Variants in ZNF77 observed in about 807,000 individuals in gnomAD.
ZNF77 encodes ZNFpT1.
In ZNF77, 15 loss-of-function variants were observed where a neutral mutation model predicts 13.5. The observed-to-expected ratio is 1.11, with a 90% CI of 0.74 to 1.71. The LOEUF is 1.71. ZNF77 is among the 40% of genes most tolerant of loss of function. The pLI is 0.00. For missense variants in ZNF77, 717 were observed against 676.4 expected, an observed-to-expected ratio of 1.06 and a Z score of -0.67; for synonymous variants, 282 against 250.0, an observed-to-expected ratio of 1.13 and a Z score of -1.21.
intron 1 of ZNF77, among the ~76,000 whole-genome samples, chr19:2,942,675 G>A (rs532795827): frequency 3.3e-5 from 5 of 152,108 alleles, no homozygotes; most frequent in East Asian, 1.9e-4. Context: ...GTGAAACCCC[G>A]TCCTGCTGTG....
chr19:2,943,032 T>C (rs1289140134), intron 1 of ZNF77, among the ~76,000 whole-genome samples: 1 of 152,170 alleles, frequency 6.6e-6, no homozygotes, highest in Non-Finnish European at 1.5e-5. Context: ...TCCACCTGCC[T>C]CAGCCTCCCA....
Position 2,933,314 on chromosome 19 carries a change from T to C in ZNF77, c.*175A>G, listed in dbSNP as rs2088359656. ...GAATCACTATTAAGGCTGAGGCATG[T>C]AAAGGCAATACCATATTAATCATAA... is the stretch of plus-strand genomic sequence containing the variant. On this transcript the variant is annotated 3_prime_UTR_variant, in exon 4 of 4. Transcript: ENST00000314531. The C allele has an allele frequency of 6.2e-6, 4 of 644,978 alleles. No homozygotes were observed. The highest frequency in any genetic ancestry group is 4.9e-6 in the Non-Finnish European group (2 of 408,066). The allele number at this position is 644,978 out of a possible 1,614,324, so 40.0% of individuals were successfully genotyped here. A position where few individuals can be genotyped will look rare whatever the true frequency, so the allele number is the denominator to read the frequency against.
In ZNF77 at chr19:2,939,408, C is replaced by G; in HGVS notation, c.4-1G>C. The G allele has an allele frequency of 6.2e-7, 1 of 1,613,920 alleles. No individual in the cohort carries two copies. The highest frequency in any genetic ancestry group is 8.5e-7 in the Non-Finnish European group (1 of 1,179,844). ...CCACTTCCTCAAAGATCACGCAGTCCTAAAACATTCCACACATCCCACTTC... is the reference window on the plus strand; with the variant it reads ...CCACTTCCTCAAAGATCACGCAGTCGTAAAACATTCCACACATCCCACTTC... On this transcript the variant is annotated splice_acceptor_variant, in intron 1 of 3. Transcript: ENST00000314531. LOFTEE classifies it high-confidence loss of function.
rs556207824 is a variant in ZNF77, at chr19:2,941,685, G to T, written c.4-2278C>A. Reference sequence around the variant, plus strand: ...TGATTATCCTCATGATAAATTGTTCGTCAGTCCCCTAATCGGAATTGCCGC... The same window carrying T: ...TGATTATCCTCATGATAAATTGTTCTTCAGTCCCCTAATCGGAATTGCCGC... On this transcript the variant is annotated intron_variant, in intron 1 of 3. Coordinates refer to ENST00000314531, the MANE Select transcript of ZNF77 (RefSeq NM_021217.3). Among the ~76,000 whole-genome samples, 3 of 152,148 alleles carry T rather than the reference G, an allele frequency of 2.0e-5. No individual in the cohort carries two copies. The East Asian group carries it at 5.8e-4, about 29-fold the overall frequency.
intron 1 of ZNF77, among the ~76,000 whole-genome samples, chr19:2,940,345 G>A (rs1295461545): frequency 6.6e-6 from 1 of 150,996 alleles, no homozygotes; most frequent in Non-Finnish European, 1.5e-5. Context: ...ACAACACAGT[G>A]AAACCCTGTC....
At position 2,934,355 on chromosome 19, in the gene ZNF77, G is replaced by A. The variant is rs529069839; in HGVS notation, c.772C>T (p.His258Tyr). The change falls in exon 4 of 4, where the codon CAC becomes TAC. Residue 258 changes from histidine to tyrosine, a missense_variant. By Grantham distance (83) the His-to-Tyr change is moderately conservative. Coordinates refer to ENST00000314531, the MANE Select transcript of ZNF77 (RefSeq NM_021217.3). The part of the protein sequence containing the change: ...TFMYYSYLTR[H>Y]VRTHTGEKPY... Reference sequence around the variant, plus strand: ...TTCTCTCCTGTGTGAGTTCTTACGTGCCGTGTAAGGTAGGAGTAATACATA... The same window carrying A: ...TTCTCTCCTGTGTGAGTTCTTACGTACCGTGTAAGGTAGGAGTAATACATA... The A allele has an allele frequency of 3.5e-5, 57 of 1,614,162 alleles. 1 individual carries two copies. In the South Asian group the frequency reaches 5.6e-4, roughly 16 times the overall value.
At chr19:2,935,736 G>A (rs542329141) in intron 3 of ZNF77, among the ~76,000 whole-genome samples, 1 of 152,126 alleles carries the variant, frequency 6.6e-6, no homozygotes, top group East Asian at 1.9e-4. Context: ...AAAAGTCTCA[G>A]CCAGGGACGG....
In ZNF77 at chr19:2,934,377, C is replaced by T; in HGVS notation, c.750G>A (p.Met250Ile). ...CGTGCCGTGTAAGGTAGGAGTAATA[C>T]ATAAAGGTCTTCCCACATACTTTAC... ...HACKVCGKTFMYYSYLTRHVR... is the reference protein window; with the variant it reads ...HACKVCGKTFIYYSYLTRHVR... The change falls in exon 4 of 4, where the codon ATG (methionine) becomes ATA (isoleucine). Residue 250 changes from methionine to isoleucine, a missense_variant. Coordinates refer to ENST00000314531, the MANE Select transcript of ZNF77 (RefSeq NM_021217.3). 1 of 1,614,206 alleles carries T rather than the reference C, an allele frequency of 6.2e-7. No homozygotes were observed. Among genetic ancestry groups the T allele is most frequent in the Non-Finnish European group, 8.5e-7 (1 of 1,180,044 alleles).
chr19:2,934,749 A>G lies in ZNF77; in HGVS notation c.378T>C (p.Thr126=), dbSNP rs2088381093. 6.2e-7 allele frequency: 1 copy of G among 1,614,158 alleles called. No homozygotes were observed. Among genetic ancestry groups the G allele is most frequent in the Non-Finnish European group, 8.5e-7 (1 of 1,180,012 alleles). Residue 126 remains threonine (T), a synonymous_variant, in exon 4 of 4, where the codon ACT becomes ACC. Transcript: ENST00000314531. ...AACTCTTGTGCACAAGAAGGTTCGCAGTCTGGCTCAAGGTCTCTCCGCATT... is the reference window on the plus strand; with the variant it reads ...AACTCTTGTGCACAAGAAGGTTCGCGGTCTGGCTCAAGGTCTCTCCGCATT... The part of the protein sequence containing the change: ...GHQCGETLSQ[T]ANLLVHKSYP...
Position 2,936,497 on chromosome 19 carries a change from C to A in ZNF77, c.311+27G>T, listed in dbSNP as rs539062138. On this transcript the variant is annotated intron_variant, in intron 3 of 3. Coordinates refer to ENST00000314531, the MANE Select transcript of ZNF77 (RefSeq NM_021217.3). The stretch of plus-strand genomic sequence containing the variant: ...TTAGTTTGATGCTCTGCGGAGAGGC[C>A]CATCCCTCCGGTTGAGCGCCACTCA... 7.7e-6 allele frequency: 12 copies of A among 1,562,120 alleles called. No homozygotes were observed. In the African/African-American group the frequency reaches 1.7e-4, roughly 22 times the overall value.
At position 2,943,408 on chromosome 19, in the gene ZNF77, C is replaced by T. The variant is rs190583226; in HGVS notation, c.3+1430G>A. 2.9e-4 allele frequency among the ~76,000 whole-genome samples: 44 copies of T among 152,180 alleles called. 1 individual carries two copies. The East Asian group carries it at 8.1e-3, about 28-fold the overall frequency. On this transcript the variant is annotated intron_variant, in intron 1 of 3. Coordinates refer to ENST00000314531, the MANE Select transcript of ZNF77 (RefSeq NM_021217.3). ...CATGTTCGCAGCCTCCCGTTTCTTC[C>T]CCAAACTTTACTCAGCCTTCTGTCC...
Position 2,942,494 on chromosome 19 carries a change from G to T in ZNF77, c.3+2344C>A, listed in dbSNP as rs112921673. Among the ~76,000 whole-genome samples the T allele has an allele frequency of 2.0e-5, 3 of 151,420 alleles. No homozygotes were observed. The South Asian group carries it at 6.3e-4, about 32-fold the overall frequency. On this transcript the variant is annotated intron_variant, in intron 1 of 3. Transcript: ENST00000314531. ...CCCCCTCAGCCTCTCAAGTGGCTGG[G>T]ACCACAGGTGCGCATCCCCATGCCC...
In ZNF77 at chr19:2,933,738, C is replaced by T. The variant is rs148445457; in HGVS notation, c.1389G>A (p.Pro463=). The change falls in exon 4 of 4, where the codon CCG becomes CCA. Residue 463 remains proline, a synonymous_variant. Coordinates refer to ENST00000314531, the MANE Select transcript of ZNF77 (RefSeq NM_021217.3). ...CTTTCCCACATTGATTACATTCGTACGGTTTCTCTCCGCTGTGGGTTCGCA... is the reference window on the plus strand; with the variant it reads ...CTTTCCCACATTGATTACATTCGTATGGTTTCTCTCCGCTGTGGGTTCGCA... ...EHVRTHSGEK[P]YECNQCGKAF... 6.1e-4 allele frequency: 976 copies of T among 1,612,146 alleles called. 13 individuals carry two copies. The African/African-American group carries it at 0.01, about 17-fold the overall frequency.
intron 1 of ZNF77, among the ~76,000 whole-genome samples, chr19:2,944,221 A>C (rs1372132358): frequency 5.2e-4 from 45 of 87,168 alleles, no homozygotes; most frequent in Middle Eastern, 0.01. Flanking sequence ...GATCGCCTCT[A>C]CTGCCCCCCT....
chr19:2,935,960 G>A (rs2088392535), intron 3 of ZNF77, among the ~76,000 whole-genome samples: 1 of 151,852 alleles, frequency 6.6e-6, no homozygotes, highest in South Asian at 2.1e-4. Flanking sequence ...AGGTTGCAGT[G>A]AGCCAAGATC....
In ZNF77 at chr19:2,933,881, C is replaced by T. The variant is rs2088368245; in HGVS notation, c.1246G>A (p.Ala416Thr). The T allele has an allele frequency of 6.2e-7, 1 of 1,612,312 alleles. No homozygotes were observed. Among genetic ancestry groups the T allele is most frequent in the East Asian group, 2.2e-5 (1 of 44,702 alleles). Residue 416 changes from alanine (A) to threonine (T), a missense_variant, in exon 4 of 4, where the codon GCC becomes ACC. Physicochemically the swap from Ala to Thr is moderately conservative, Grantham distance 58 (BLOSUM62 0). Transcript: ENST00000314531. ...CGAAGGGAGGAGGAAAAACTGTAGGCTTTCCCACACTCTTTACATTGATAG... is the reference window on the plus strand; with the variant it reads ...CGAAGGGAGGAGGAAAAACTGTAGGTTTTCCCACACTCTTTACATTGATAG... ...KPYQCKECGK[A>T]YSFSSSLRIH... is the part of the protein sequence containing the mutation.
At chr19:2,936,429 G>GC (rs1843499728) in intron 3 of ZNF77, 95 bp downstream of exon 3, 1 of 1,364,974 alleles carries the variant, frequency 7.3e-7, no homozygotes, top group Admixed American at 3.1e-5. Flanking sequence ...GATTACAGGC[G>GC]CGAGCCCCTG....
Position 2,933,461 on chromosome 19 carries a change from C to T in ZNF77, c.*28G>A, listed in dbSNP as rs774502830. On this transcript the variant is annotated 3_prime_UTR_variant, in exon 4 of 4. Coordinates refer to ENST00000314531, the MANE Select transcript of ZNF77 (RefSeq NM_021217.3). ...TACAACAAGGTTTTACGGTTGAACA[C>T]TCTCCCAGGTCCACTGTATTCGTAG... 7 of 1,515,980 alleles carry T rather than the reference C, an allele frequency of 4.6e-6. No homozygotes were observed. Among genetic ancestry groups the T allele is most frequent in the Admixed American group, 2.2e-5 (1 of 45,774 alleles). 93.9% of individuals were successfully genotyped at this position (1,515,980 alleles called of 1,614,324 possible).
At chr19:2,935,049 C>T (rs1020268679) in intron 3 of ZNF77, among the ~76,000 whole-genome samples, 8 of 152,188 alleles carry the variant, frequency 5.3e-5, no homozygotes, top group African/African-American at 4.8e-5. Flanking sequence ...GATGGAGTCT[C>T]GCTCTGTCAC....
Sources: allele counts gnomAD v4.1 joint callset (sites outside exome capture counted in the v4.1 genomes callset), GRCh38; gene constraint gnomAD v4.1.1; transcripts MANE v1.5; gene names NCBI Gene and HGNC (gene_info 2026-07-23, HGNC 2026-07-21).